MBTPS1: variants seen among roughly 807,000 people sequenced by gnomAD.
MBTPS1 encodes the protein membrane bound transcription factor peptidase, site 1, also known as membrane-bound transcription factor site-1 protease.
Under a neutral mutation model 127.8 loss-of-function variants are expected in MBTPS1, and 94 were observed. The ratio of observed to expected loss-of-function variants is 0.74; its 90% CI spans 0.62 to 0.87. The LOEUF (loss-of-function observed/expected upper bound fraction) is 0.87. Ranked by LOEUF, MBTPS1 falls within the 40% of genes least tolerant of loss-of-function variation. The probability of loss-of-function intolerance (pLI) is 0.00; values close to 1 mark genes in which losing one functional copy is unlikely to be tolerated. For missense variants in MBTPS1, 1,636 were observed against 1,353.2 expected (o/e 1.21, Z -3.28); for synonymous variants, 632 against 509.4 (o/e 1.24, Z -3.24).
chr16:84,091,815 T>C lies in MBTPS1; in HGVS notation c.880A>G (p.Asn294Asp). ...SYTSWFLDAF[N>D]YAILKKIDVL... The stretch of plus-strand genomic sequence containing the variant: ...TCGATCTTCTTTAAAATGGCATAGT[T>C]GAAGGCGTCCAAAAACCAAGATGTG... Residue 294 changes from asparagine (N) to aspartate (D), a missense_variant, in exon 7 of 23, where the codon AAC becomes GAC. Asn to Asp is a conservative substitution (Grantham distance 23, BLOSUM62 1). Transcript: ENST00000343411. 1 of 1,613,986 alleles carries C rather than the reference T, an allele frequency of 6.2e-7. No homozygotes were observed. Among genetic ancestry groups the C allele is most frequent in the South Asian group, 1.1e-5 (1 of 91,084 alleles).
chr16:84,055,408 G>A (rs1597295562), intron 22 of MBTPS1, among the ~76,000 whole-genome samples: 1 of 152,210 alleles, frequency 6.6e-6, no homozygotes. Context: ...TAGAGCAAAA[G>A]AACTGCCCAG....
At chr16:84,056,272 C>A (rs1473703259) in intron 21 of MBTPS1, 137 bp from the exon 22 acceptor site, 1 of 663,940 alleles carries the variant, frequency 1.5e-6, no homozygotes, top group Admixed American at 2.8e-5. Flanking sequence ...GCGTCCACGG[C>A]CACCTAAATG....
At chr16:84,069,554 G>T (rs2085740067) in intron 14 of MBTPS1, among the ~76,000 whole-genome samples, 1 of 152,244 alleles carries the variant, frequency 6.6e-6, no homozygotes, top group Non-Finnish European at 1.5e-5. Context: ...GGTGGGAGCA[G>T]GGAGAAGGCC....
At chr16:84,098,096 A>G (rs1240612179) in intron 3 of MBTPS1, among the ~76,000 whole-genome samples, 1 of 152,160 alleles carries the variant, frequency 6.6e-6, no homozygotes, top group African/African-American at 2.4e-5. Context: ...ATAAATATGC[A>G]ATTTACTATT....
chr16:84,095,862 C>A, intron 3 of MBTPS1, 57 bp from the exon 4 acceptor site: 1 of 1,435,944 alleles, frequency 7.0e-7, no homozygotes, highest in South Asian at 1.2e-5. Flanking sequence ...TACACGATAC[C>A]CGCCAGGCAA....
chr16:84,074,423 C>T (rs1359307180), intron 12 of MBTPS1, among the ~76,000 whole-genome samples, 174 bp downstream of exon 12: 1 of 152,164 alleles, frequency 6.6e-6, no homozygotes, highest in Non-Finnish European at 1.5e-5. Context: ...TTTGTAGAGA[C>T]AGGTCTCACT....
intron 2 of MBTPS1, among the ~76,000 whole-genome samples, chr16:84,099,714 T>A (rs139060827): frequency 6.6e-6 from 1 of 151,372 alleles, no homozygotes; most frequent in Admixed American, 6.6e-5. Flanking sequence ...GAGGCGGAGA[T>A]TGCAGTAAGC....
intron 11 of MBTPS1, among the ~76,000 whole-genome samples, chr16:84,077,518 G>T (rs1434375558): frequency 6.6e-6 from 1 of 152,112 alleles, no homozygotes; most frequent in Admixed American, 6.5e-5. Flanking sequence ...AATCACAAGA[G>T]CTTTAACAAA....
chr16:84,082,677 A>C lies in MBTPS1; in HGVS notation c.1287-769T>G, dbSNP rs368125611. On this transcript the variant is annotated intron_variant, in intron 10 of 22. Transcript: ENST00000343411. ...AAAACTTAACTCTCCTAAGTTCCTA[A>C]ATATTCGTATGTGATGATGTTTGGT... 5.3e-5 allele frequency among the ~76,000 whole-genome samples: 8 copies of C among 152,190 alleles called. No individual in the cohort carries two copies. In the East Asian group the frequency reaches 1.3e-3, roughly 26 times the overall value.
intron 1 of MBTPS1, among the ~76,000 whole-genome samples, chr16:84,111,790 C>G (rs554614993): frequency 5.9e-5 from 9 of 151,774 alleles, no homozygotes; most frequent in African/African-American, 1.9e-4. Context: ...TGTTTGTGGT[C>G]ATTTGTTACA....
intron 6 of MBTPS1, among the ~76,000 whole-genome samples, 199 bp downstream of exon 6, chr16:84,092,989 T>C (rs765207508): frequency 6.6e-6 from 1 of 152,076 alleles, no homozygotes; most frequent in Non-Finnish European, 1.5e-5. Flanking sequence ...TCAACTTAGG[T>C]CGACACAGTG....
At chr16:84,078,073 G>A (rs1290449198) in intron 11 of MBTPS1, among the ~76,000 whole-genome samples, 2 of 152,214 alleles carry the variant, frequency 1.3e-5, no homozygotes, top group South Asian at 2.1e-4. Flanking sequence ...CTCTGTCAGT[G>A]AGGCTTTGGG....
At chr16:84,091,912 T>C (rs1378744831) in intron 6 of MBTPS1, 64 bp from the exon 7 acceptor site, 3 of 935,914 alleles carry the variant, frequency 3.2e-6, no homozygotes, top group Non-Finnish European at 5.2e-6. Flanking sequence ...TAGGACAGTT[T>C]TTATTTCTAA....
intron 9 of MBTPS1, 64 bp downstream of exon 9, chr16:84,087,294 C>G (rs968133493): frequency 7.9e-7 from 1 of 1,271,408 alleles, no homozygotes; most frequent in Non-Finnish European, 1.1e-6. Context: ...TCGTCAACAA[C>G]CGGTGCCACT....
At chr16:84,074,914 A>C in intron 11 of MBTPS1, 173 bp from the exon 12 acceptor site, 1 of 532,240 alleles carries the variant, frequency 1.9e-6, no homozygotes, top group Admixed American at 3.5e-5. Context: ...TGCACAGATA[A>C]GGCCTCTGTG....
At chr16:84,063,839 G>C (rs929487575) in intron 18 of MBTPS1, among the ~76,000 whole-genome samples, 3 of 152,134 alleles carry the variant, frequency 2.0e-5, no homozygotes, top group Non-Finnish European at 2.9e-5. Context: ...AGCAGATCTT[G>C]CTAAACACAC....
At chr16:84,062,872 G>C (rs543568841) in intron 19 of MBTPS1, among the ~76,000 whole-genome samples, 1 of 152,190 alleles carries the variant, frequency 6.6e-6, no homozygotes, top group Non-Finnish European at 1.5e-5. Flanking sequence ...GGTCTGGAAG[G>C]ACAGCCAAGA....
In MBTPS1 at chr16:84,085,019, G is replaced by A. The variant is rs1285073795; in HGVS notation, c.1250C>T (p.Ser417Phe). 1 of 1,614,194 alleles carries A rather than the reference G, an allele frequency of 6.2e-7. No homozygotes were observed. The highest frequency in any genetic ancestry group is 8.5e-7 in the Non-Finnish European group (1 of 1,180,036). The change falls in exon 10 of 23, where the codon TCT (serine) becomes TTT (phenylalanine). Residue 417 changes from serine to phenylalanine, a missense_variant. Coordinates refer to ENST00000343411, the MANE Select transcript of MBTPS1 (RefSeq NM_003791.4). Reference sequence around the variant, plus strand: ...GGTGACAGCACCTGCAACCACTGGAGAAGCAACACTGGTCCCTGAGAGGGC... The same window carrying A: ...GGTGACAGCACCTGCAACCACTGGAAAAGCAACACTGGTCCCTGAGAGGGC... The part of the protein sequence containing the change: ...CRALSGTSVA[S>F]PVVAGAVTLL...
chr16:84,099,460 T>G, intron 2 of MBTPS1, 150 bp from the exon 3 acceptor site: 1 of 795,534 alleles, frequency 1.3e-6, no homozygotes, highest in African/African-American at 1.7e-5. Context: ...TTTAAGTACC[T>G]AGACAGCTGT....
Sources: gnomAD v4.1 joint callset for allele counts (sites outside exome capture counted in the v4.1 genomes callset) on GRCh38, gnomAD v4.1.1 for gene constraint, MANE v1.5 for transcripts, NCBI Gene and HGNC (gene_info 2026-07-23, HGNC 2026-07-21) for gene names.